The following EML5 variants were observed in gnomAD, a reference collection of about 807,000 sequenced individuals.
EML5 encodes the protein echinoderm microtubule-associated protein-like 5.
Under a neutral mutation model 250.0 loss-of-function variants are expected in EML5, and 120 were observed. That is an observed-to-expected ratio of 0.48 (90% CI 0.41 to 0.56). EML5 has a LOEUF of 0.56. Among genes scored for constraint, EML5 ranks in the 20% least tolerant of loss-of-function variants. The pLI is 0.00. For missense variants in EML5, 2,006 were observed against 2,437.6 expected (o/e 0.82, Z 3.73); for synonymous variants, 771 against 806.5 (o/e 0.96, Z 0.75).
chr14:88,649,818 A>T, intron 28 of EML5, 94 bp downstream of exon 28: 3 of 1,031,872 alleles, frequency 2.9e-6, no homozygotes, highest in Non-Finnish European at 4.2e-6. Flanking sequence ...ATGTAGTTAA[A>T]TGTTTTATAG....
chr14:88,770,065 CAGAGG>C (rs1361200440), intron 1 of EML5, among the ~76,000 whole-genome samples: 1 of 151,784 alleles, frequency 6.6e-6, no homozygotes, highest in East Asian at 1.9e-4. Context: ...AGCTCAGCAG[CAGAGG>C]AGAGGAAAGA....
rs370675635 is a variant in EML5, at chr14:88,638,969, T to A, written c.4238-62A>T. 1.0e-4 allele frequency: 130 copies of A among 1,255,958 alleles called. No individual in the cohort carries two copies. The African/African-American group carries it at 1.5e-3, about 14-fold the overall frequency. 77.8% of individuals were successfully genotyped at this position (1,255,958 alleles called of 1,614,324 possible). On this transcript the variant is annotated intron_variant, in intron 31 of 43. Coordinates refer to ENST00000554922, the MANE Select transcript of EML5 (RefSeq NM_183387.3). ...TTAAGATGTAACAGCCAAAAGCACT[T>A]ACCCAGAACAATAAACTACTCTTTA...
chr14:88,616,065 A>ACTCCTAC, intron 43 of EML5, 77 bp downstream of exon 43: 1 of 1,495,634 alleles, frequency 6.7e-7, no homozygotes, highest in Non-Finnish European at 9.3e-7. Context: ...TCATAAACCA[A>ACTCCTAC]AGCTGTAGGA....
rs2093058068 is a variant in EML5 at position 88,695,537 on chromosome 14, T to C, written c.2345-83A>G. On this transcript the variant is annotated intron_variant, in intron 15 of 43. Coordinates refer to ENST00000554922, the MANE Select transcript of EML5 (RefSeq NM_183387.3). Reference sequence around the variant, plus strand: ...ATTCAGTATATATTCTAAACCCACATCCTATATTTAAAATTTGATAAAATA... The same window carrying C: ...ATTCAGTATATATTCTAAACCCACACCCTATATTTAAAATTTGATAAAATA... 6.4e-6 allele frequency: 8 copies of C among 1,242,158 alleles called. No homozygotes were observed. The Admixed American group carries it at 7.6e-5, about 12-fold the overall frequency. 76.9% of individuals were successfully genotyped at this position (1,242,158 alleles called of 1,614,324 possible).
chr14:88,651,208 C>T (rs77857787), intron 27 of EML5, among the ~76,000 whole-genome samples: 1,435 of 140,320 alleles, frequency 0.01, 24 homozygotes, highest in African/African-American at 0.037. Context: ...GACTCTGCCA[C>T]GGGGGCCAAC....
chr14:88,792,903 T>C lies in EML5; in HGVS notation c.-400A>G, dbSNP rs2094624862. ...GCGCTCGCGCCCCGCCGCGGCTTTG[T>C]AGCCACAGCCTGGCGGACCCGCGCC... is the stretch of plus-strand genomic sequence containing the variant. On this transcript the variant is annotated 5_prime_UTR_variant, in exon 1 of 44. Transcript: ENST00000554922. This position sits in a 1 kb window ranked among gnomAD's most constrained non-coding sequence, Gnocchi z 6.9. Among the ~76,000 whole-genome samples, 1 of 151,790 alleles carries C rather than the reference T, an allele frequency of 6.6e-6. No homozygotes were observed. Among genetic ancestry groups the C allele is most frequent in the South Asian group, 2.1e-4 (1 of 4,820 alleles).
At chr14:88,774,515 G>A (rs540532637) in intron 1 of EML5, among the ~76,000 whole-genome samples, 1 of 152,172 alleles carries the variant, frequency 6.6e-6, no homozygotes, top group South Asian at 2.1e-4. Context: ...AGTCTTTTGG[G>A]GAGTCTTATG....
Position 88,618,818 on chromosome 14 carries a change from TCAAAA to T in EML5, c.5376-11_5376-7del, listed in dbSNP as rs1227845044. 1 of 1,568,558 alleles carries T rather than the reference TCAAAA, an allele frequency of 6.4e-7. No homozygotes were observed. The highest frequency in any genetic ancestry group is 1.4e-5 in the African/African-American group (1 of 73,710). On this transcript the variant is annotated splice_region_variant and splice_polypyrimidine_tract_variant and intron_variant, in intron 39 of 43. Coordinates refer to ENST00000554922, the MANE Select transcript of EML5 (RefSeq NM_183387.3). ...ACCGGGAATCCGGACTAAATCTGAA[TCAAAA>T]CAAAACGTAAAAAGTATTAGACCAC...
intron 35 of EML5, chr14:88,626,394 G>C (rs971480665): frequency 6.2e-6 from 1 of 160,362 alleles, no homozygotes; most frequent in African/African-American, 2.4e-5. Flanking sequence ...GGTCAAGATG[G>C]GAGGATCACA....
intron 32 of EML5, among the ~76,000 whole-genome samples, chr14:88,637,283 C>A (rs977837410): frequency 2.0e-5 from 3 of 152,100 alleles, no homozygotes; most frequent in Admixed American, 2.0e-4. Flanking sequence ...AAATTTACCT[C>A]TGTACTCCCC....
At chr14:88,736,620 G>T (rs2093844225) in intron 6 of EML5, 55 bp from the exon 7 acceptor site, 1 of 1,540,526 alleles carries the variant, frequency 6.5e-7, no homozygotes, top group African/African-American at 1.4e-5. Flanking sequence ...GATAGCAGCA[G>T]GAGGCAGACA....
chr14:88,743,072 A>G (rs2093947860), intron 4 of EML5, among the ~76,000 whole-genome samples: 1 of 152,120 alleles, frequency 6.6e-6, no homozygotes, highest in Non-Finnish European at 1.5e-5. Context: ...CTGAGCTGTA[A>G]TTATAAAACA....
At chr14:88,745,250 G>A (rs545070462) in intron 3 of EML5, among the ~76,000 whole-genome samples, 30 of 151,004 alleles carry the variant, frequency 2.0e-4, no homozygotes, top group Non-Finnish European at 2.5e-4. Context: ...TCCAAAATGC[G>A]AATATACACA....
rs77578311 is a variant in EML5 at position 88,740,720 on chromosome 14, T to C, written c.526-148A>G. The C allele has an allele frequency of 2.2e-3, 1,465 of 668,226 alleles. 6 individuals are homozygous for C. The highest frequency in any genetic ancestry group is 2.8e-3 in the Non-Finnish European group (1,167 of 414,940). 41.4% of individuals were successfully genotyped at this position (668,226 alleles called of 1,614,324 possible). On this transcript the variant is annotated intron_variant, in intron 4 of 43. Coordinates refer to ENST00000554922, the MANE Select transcript of EML5 (RefSeq NM_183387.3). Reference sequence around the variant, plus strand: ...GATAAAATAGCATTCAATGTTCAGATTCTCATCCTAGTGCTGTCAAAAGCT... The same window carrying C: ...GATAAAATAGCATTCAATGTTCAGACTCTCATCCTAGTGCTGTCAAAAGCT...
chr14:88,621,339 C>T, intron 37 of EML5, 38 bp from the exon 38 acceptor site: 1 of 1,607,956 alleles, frequency 6.2e-7, no homozygotes, highest in Non-Finnish European at 8.5e-7. Context: ...GAATGTAATA[C>T]AACAGCTGCT....
intron 16 of EML5, 42 bp downstream of exon 16, chr14:88,695,319 A>T: frequency 6.6e-7 from 1 of 1,513,246 alleles, no homozygotes; most frequent in African/African-American, 1.4e-5. Flanking sequence ...GTCCAAAGTA[A>T]TTCTAGTATT....
At chr14:88,661,378 G>A (rs1385940267) in intron 25 of EML5, among the ~76,000 whole-genome samples, 1 of 152,320 alleles carries the variant, frequency 6.6e-6, no homozygotes, top group East Asian at 1.9e-4. Flanking sequence ...TTATAGGCAT[G>A]AGCCACTGTC....
At chr14:88,702,170 A>C (rs1224542763) in intron 14 of EML5, among the ~76,000 whole-genome samples, 1 of 152,122 alleles carries the variant, frequency 6.6e-6, no homozygotes, top group Non-Finnish European at 1.5e-5. Flanking sequence ...CTCTAATTTT[A>C]CTAATTTAAA....
At chr14:88,689,459 A>AC (rs2092910246) in intron 17 of EML5, among the ~76,000 whole-genome samples, 1 of 152,232 alleles carries the variant, frequency 6.6e-6, no homozygotes, top group Non-Finnish European at 1.5e-5. Context: ...ATTTCTGTGA[A>AC]TATTATGCTA....
Sources: allele counts gnomAD v4.1 joint callset (sites outside exome capture counted in the v4.1 genomes callset), GRCh38; gene constraint gnomAD v4.1.1; non-coding constraint Gnocchi (gnomAD v3.1); transcripts MANE v1.5; gene names NCBI Gene and HGNC (gene_info 2026-07-23, HGNC 2026-07-21).